Variants in NKAIN2 observed in about 807,000 individuals in gnomAD.
NKAIN2 encodes the protein sodium/potassium-transporting ATPase subunit beta-1-interacting protein 2.
A neutral mutation model predicts 32.6 loss-of-function variants in NKAIN2; 14 were observed. The observed-to-expected ratio is 0.43, with a 90% confidence interval of 0.28 to 0.67. The LOEUF (loss-of-function observed/expected upper bound fraction) is 0.67, where lower values mean the gene tolerates loss of function less well. Among genes scored for constraint, NKAIN2 ranks in the 30% least tolerant of loss-of-function variants. The pLI is 0.17. For synonymous variants in NKAIN2, 80 were observed against 87.2 expected (o/e 0.92, Z 0.46); for missense variants, 198 against 258.3 (o/e 0.77, Z 1.60).
At chr6:124,629,917 A>C (rs504008) in intron 3 of NKAIN2, among the ~76,000 whole-genome samples, 96,010 of 151,990 alleles carry the variant, frequency 0.63, 32,201 homozygotes, top group Non-Finnish European at 0.75. Flanking sequence ...TTTAGACTTT[A>C]GGTTCTATGC....
chr6:124,474,907 ATATAC>A (rs1379024611), intron 3 of NKAIN2, among the ~76,000 whole-genome samples: 3 of 113,200 alleles, frequency 2.7e-5, no homozygotes, highest in African/African-American at 8.3e-5. Context: ...GTATCATATT[ATATAC>A]TATATATGTA....
At chr6:123,875,418 T>G (rs896976940) in intron 1 of NKAIN2, among the ~76,000 whole-genome samples, 3 of 152,148 alleles carry the variant, frequency 2.0e-5, no homozygotes, top group South Asian at 4.1e-4. Flanking sequence ...ATTGGTGAGG[T>G]TAAACATTTA....
At chr6:124,260,229 A>C (rs1207746743) in intron 1 of NKAIN2, among the ~76,000 whole-genome samples, 1 of 152,234 alleles carries the variant, frequency 6.6e-6, no homozygotes, top group Non-Finnish European at 1.5e-5. Flanking sequence ...AGCCATAGAG[A>C]AAAATCTCAG....
At chr6:124,252,432 G>T (rs1257144812) in intron 1 of NKAIN2, among the ~76,000 whole-genome samples, 2 of 152,004 alleles carry the variant, frequency 1.3e-5, no homozygotes, top group Non-Finnish European at 1.5e-5. Flanking sequence ...CAAATTTCAG[G>T]ATCATCCTTA....
intron 1 of NKAIN2, among the ~76,000 whole-genome samples, chr6:124,032,596 T>C (rs1356026743): frequency 6.6e-6 from 1 of 152,128 alleles, no homozygotes; most frequent in African/African-American, 2.4e-5. Context: ...CACATTCATA[T>C]TGGACTATTC....
chr6:124,545,263 A>G (rs576357403), intron 3 of NKAIN2, among the ~76,000 whole-genome samples: 96 of 152,330 alleles, frequency 6.3e-4, no homozygotes, highest in Non-Finnish European at 1.2e-3. Flanking sequence ...TGAAAATAAT[A>G]TCAAACACGT....
chr6:123,822,773 CTT>C (rs1272762287), intron 1 of NKAIN2, among the ~76,000 whole-genome samples: 3 of 152,138 alleles, frequency 2.0e-5, no homozygotes, highest in Non-Finnish European at 4.4e-5. Context: ...ATTCCTGTAA[CTT>C]TGCACAAATT....
intron 5 of NKAIN2, among the ~76,000 whole-genome samples, chr6:124,796,841 C>G (rs978598452): frequency 6.6e-6 from 1 of 152,156 alleles, no homozygotes; most frequent in Non-Finnish European, 1.5e-5. Flanking sequence ...GCTGTGCTGT[C>G]TTTGTGGCAG....
intron 1 of NKAIN2, among the ~76,000 whole-genome samples, chr6:124,068,754 A>T (rs1016933978): frequency 2.7e-5 from 4 of 149,708 alleles, no homozygotes; most frequent in African/African-American, 9.9e-5. Context: ...TTTAATTATA[A>T]AAACGGGGAA....
intron 1 of NKAIN2, among the ~76,000 whole-genome samples, chr6:123,949,542 T>C (rs1276121594): frequency 2.6e-5 from 4 of 152,006 alleles, no homozygotes; most frequent in Admixed American, 2.6e-4. Flanking sequence ...TATTCCTACG[T>C]ATTTGGTTCA....
At chr6:123,817,852 A>T (rs1159286731) in intron 1 of NKAIN2, among the ~76,000 whole-genome samples, 2 of 152,198 alleles carry the variant, frequency 1.3e-5, no homozygotes, top group African/African-American at 4.8e-5. Context: ...GGGGGTGCTG[A>T]ATAAGCATTT....
intron 1 of NKAIN2, among the ~76,000 whole-genome samples, chr6:124,071,034 C>G (rs1783438822): frequency 6.6e-6 from 1 of 152,146 alleles, no homozygotes; most frequent in Non-Finnish European, 1.5e-5. Flanking sequence ...AAGTCATGCT[C>G]TGGACAAAGA....
At chr6:123,992,063 A>C (rs907855257) in intron 1 of NKAIN2, among the ~76,000 whole-genome samples, 9 of 152,148 alleles carry the variant, frequency 5.9e-5, no homozygotes, top group African/African-American at 1.9e-4. Flanking sequence ...AAAGAAACTA[A>C]ATTTTTTTGA....
chr6:124,304,029 G>A (rs1445330672), intron 2 of NKAIN2, among the ~76,000 whole-genome samples: 1 of 152,134 alleles, frequency 6.6e-6, no homozygotes, highest in Admixed American at 6.5e-5. Flanking sequence ...GGAGATGATG[G>A]CTTTAGTTTA....
At chr6:124,238,016 A>G (rs1195204405) in intron 1 of NKAIN2, among the ~76,000 whole-genome samples, 1 of 152,176 alleles carries the variant, frequency 6.6e-6, no homozygotes, top group East Asian at 1.9e-4. Flanking sequence ...GCAGAGACTT[A>G]TTTAGGAAAG....
At chr6:123,844,283 T>C (rs1431052202) in intron 1 of NKAIN2, among the ~76,000 whole-genome samples, 5 of 152,184 alleles carry the variant, frequency 3.3e-5, no homozygotes, top group African/African-American at 7.2e-5. Flanking sequence ...GTACAGAGCA[T>C]TTTGAAGAAG....
chr6:124,498,444 A>G (rs1034643425), intron 3 of NKAIN2, among the ~76,000 whole-genome samples: 5 of 151,382 alleles, frequency 3.3e-5, no homozygotes, highest in Admixed American at 2.6e-4. Context: ...GTGAGGGCTT[A>G]GCTAACTGTT....
chr6:124,389,031 T>C (rs1355825991), intron 3 of NKAIN2, among the ~76,000 whole-genome samples: 1 of 152,108 alleles, frequency 6.6e-6, no homozygotes, highest in Non-Finnish European at 1.5e-5. Flanking sequence ...AATAAATAAA[T>C]AATATGTATT....
At chr6:124,593,468 C>T (rs929349281) in intron 3 of NKAIN2, among the ~76,000 whole-genome samples, 1 of 152,136 alleles carries the variant, frequency 6.6e-6, no homozygotes, top group Non-Finnish European at 1.5e-5. Flanking sequence ...GCAGAAGGCA[C>T]AGTCTTCCTT....
Sources: gnomAD v4.1 joint callset for allele counts (sites outside exome capture counted in the v4.1 genomes callset) on GRCh38, gnomAD v4.1.1 for gene constraint, MANE v1.5 for transcripts, NCBI Gene and HGNC (gene_info 2026-07-23, HGNC 2026-07-21) for gene names.